The following CELSR3 variants were observed in gnomAD, a reference collection of about 807,000 sequenced individuals.
CELSR3 encodes cadherin EGF LAG seven-pass G-type receptor 3.
CELSR3 carries 73 observed loss-of-function variants against 270.0 expected under a neutral mutation model. The ratio of observed to expected loss-of-function variants is 0.27; its 90% CI spans 0.22 to 0.33. The LOEUF is 0.33. Among genes scored for constraint, CELSR3 ranks in the 10% least tolerant of loss-of-function variants. The pLI is 1.00. For synonymous variants in CELSR3, 1,780 were observed against 1,905.4 expected (o/e 0.93, Z 1.71); for missense variants, 3,614 against 4,533.8 (o/e 0.80, Z 5.83).
intron 17 of CELSR3, 59 bp downstream of exon 17, chr3:48,649,062 G>T: frequency 6.4e-7 from 1 of 1,550,490 alleles, no homozygotes. Flanking sequence ...GTGGTATCTG[G>T]GGCCCACCAC....
chr3:48,648,769 G>A lies in CELSR3; in HGVS notation c.6727C>T (p.His2243Tyr), dbSNP rs1199078549. 15 of 1,612,814 alleles carry A rather than the reference G, an allele frequency of 9.3e-6. No individual in the cohort carries two copies. The highest frequency in any genetic ancestry group is 1.2e-5 in the Non-Finnish European group (14 of 1,180,006). Residue 2243 changes from histidine to tyrosine, a missense_variant, in exon 18 of 35, where the codon CAT becomes TAT. This residue lies in a region of CELSR3 where 1,331 missense variants were observed against 1,933.7 expected (regional missense o/e 0.69). Coordinates refer to ENST00000164024, the MANE Select transcript of CELSR3 (RefSeq NM_001407.3). ...LLAHLLAFES[H>Y]QQGFGLTATQ... ...GCTGTCAGCCCGAAGCCCTGCTGAT[G>A]GCTCTCGAAGGCCAGCAGGTGGGCC...
chr3:48,640,760 C>T lies in CELSR3; in HGVS notation c.9026-201G>A. 5 of 481,654 alleles carry T rather than the reference C, an allele frequency of 1.0e-5. No individual in the cohort carries two copies. Among genetic ancestry groups the T allele is most frequent in the South Asian group, 6.0e-5 (2 of 33,322 alleles). 29.8% of individuals were successfully genotyped at this position (481,654 alleles called of 1,614,324 possible). A position where few individuals can be genotyped will look rare whatever the true frequency, so the allele number is the denominator to read the frequency against. On this transcript the variant is annotated intron_variant, in intron 33 of 34. Transcript: ENST00000164024. The surrounding 1 kb of genome is among the most constrained non-coding windows in gnomAD (Gnocchi z 7.5). ...GGGGTCAGAGTGGAAGGGCAGTCAT[C>T]TTCCAGTTGTGGTCCCGGGGCAGGG...
At chr3:48,643,372 G>T in intron 28 of CELSR3, 182 bp downstream of exon 28, 1 of 838,744 alleles carries the variant, frequency 1.2e-6, no homozygotes, top group Non-Finnish European at 1.8e-6. Flanking sequence ...GCCTAAGTTA[G>T]AGTCAGCTCC....
In CELSR3 at chr3:48,661,883, G is replaced by A; in HGVS notation, c.752C>T (p.Thr251Met). The change falls in exon 1 of 35, where the codon ACG (threonine) becomes ATG (methionine). Residue 251 changes from threonine to methionine, a missense_variant. Transcript: ENST00000164024. Reference protein sequence around the residue: ...SGPELDSAPRTARTAPASGSA... With the variant: ...SGPELDSAPRMARTAPASGSA... ...ACCTGATGCAGGAGCTGTCCTCGCC[G>A]TGCGTGGTGCTGAATCCAGCTCGGG... 1 of 1,611,418 alleles carries A rather than the reference G, an allele frequency of 6.2e-7. No homozygotes were observed. Among genetic ancestry groups the A allele is most frequent in the Non-Finnish European group, 8.5e-7 (1 of 1,179,664 alleles).
chr3:48,641,948 T>C lies in CELSR3; in HGVS notation c.8727A>G (p.Pro2909=). ...GGCCATTGTCCTCGCTTTCTGAAGA[T>C]GGAATGGAGAGACTCCTCTCCTCCT... ...SLEEERSLSI[P]SSESEDNGRT... The change falls in exon 32 of 35, where the codon CCA becomes CCG. Residue 2909 remains proline, a synonymous_variant. Transcript: ENST00000164024. The surrounding 1 kb of genome is among the most constrained non-coding windows in gnomAD (Gnocchi z 4.8). The C allele has an allele frequency of 1.2e-6, 2 of 1,600,628 alleles. No individual in the cohort carries two copies. The highest frequency in any genetic ancestry group is 1.3e-5 in the African/African-American group (1 of 74,352).
In CELSR3 at chr3:48,660,550, A is replaced by G; in HGVS notation, c.2085T>C (p.Pro695=). The G allele has an allele frequency of 6.2e-7, 1 of 1,614,206 alleles. No individual in the cohort carries two copies. The highest frequency in any genetic ancestry group is 8.5e-7 in the Non-Finnish European group (1 of 1,180,038). The change falls in exon 1 of 35, where the codon CCT becomes CCC. Residue 695 remains proline (P), a synonymous_variant. Transcript: ENST00000164024. This position sits in a 1 kb window ranked among gnomAD's most constrained non-coding sequence, Gnocchi z 5.5. The part of the protein sequence containing the change: ...RLEYSLTGVA[P]DTPFVINSAT... Reference sequence around the variant, plus strand: ...CGCTGTTTATCACAAAAGGAGTATCAGGTGCCACACCAGTTAGGGAGTACT... The same window carrying G: ...CGCTGTTTATCACAAAAGGAGTATCGGGTGCCACACCAGTTAGGGAGTACT...
rs1290968968 is a variant in CELSR3 at position 48,651,312 on chromosome 3, G to A, written c.6186+47C>T. On this transcript the variant is annotated intron_variant, in intron 14 of 34. Coordinates refer to ENST00000164024, the MANE Select transcript of CELSR3 (RefSeq NM_001407.3). This position sits in a 1 kb window ranked among gnomAD's most constrained non-coding sequence, Gnocchi z 7.4. ...GAGGTCAGCAAGCTGGACAGGAATT[G>A]CAGATTGCGTCCAAGGAAGGGTTAA... 1 of 1,608,276 alleles carries A rather than the reference G, an allele frequency of 6.2e-7. No homozygotes were observed. Among genetic ancestry groups the A allele is most frequent in the Non-Finnish European group, 8.5e-7 (1 of 1,175,700 alleles).
At position 48,652,981 on chromosome 3, in the gene CELSR3, C is replaced by T; in HGVS notation, c.5634+21G>A. ...TGGTTGGAAGGCTGAGAACAGACTA[C>T]CCCGGGGTCAGAGGCCAGACCTGGA... On this transcript the variant is annotated intron_variant, in intron 10 of 34. Coordinates refer to ENST00000164024, the MANE Select transcript of CELSR3 (RefSeq NM_001407.3). The surrounding 1 kb of genome is among the most constrained non-coding windows in gnomAD (Gnocchi z 4.3). The T allele has an allele frequency of 3.1e-6, 5 of 1,608,398 alleles. No individual in the cohort carries two copies. Among genetic ancestry groups the T allele is most frequent in the Non-Finnish European group, 4.2e-6 (5 of 1,176,606 alleles).
rs772570939 is a variant in CELSR3, at chr3:48,650,029, G to A, written c.6472+451C>T. Among the ~76,000 whole-genome samples, 1 of 151,384 alleles carries A rather than the reference G, an allele frequency of 6.6e-6. No individual in the cohort carries two copies. Among genetic ancestry groups the A allele is most frequent in the Non-Finnish European group, 1.5e-5 (1 of 67,896 alleles). On this transcript the variant is annotated intron_variant, in intron 16 of 34. Transcript: ENST00000164024. This position sits in a 1 kb window ranked among gnomAD's most constrained non-coding sequence, Gnocchi z 5.1. Reference sequence around the variant, plus strand: ...GATCTTTCGTGACCTCAGGCAGTGGGGAAAGTTCTATGGGGACCCCAGGAA... The same window carrying A: ...GATCTTTCGTGACCTCAGGCAGTGGAGAAAGTTCTATGGGGACCCCAGGAA...
chr3:48,656,152 G>A lies in CELSR3; in HGVS notation c.4613C>T (p.Thr1538Met), dbSNP rs867782628. 3.3e-6 allele frequency: 5 copies of A among 1,536,384 alleles called. No homozygotes were observed. Among genetic ancestry groups the A allele is most frequent in the Non-Finnish European group, 4.4e-6 (5 of 1,147,280 alleles). The change falls in exon 3 of 35, where the codon ACG (threonine) becomes ATG (methionine). Residue 1538 changes from threonine (T) to methionine (M), a missense_variant. By Grantham distance (81) the Thr-to-Met change is moderately conservative. This residue lies in a region of CELSR3 where 1,331 missense variants were observed against 1,933.7 expected (regional missense o/e 0.69). Transcript: ENST00000164024. ...GGCGGGCACCTACGAGAGGGACAGC[G>A]TAAGGTGGAATCGCTGCCGCAGGCC... is the stretch of plus-strand genomic sequence containing the variant. ...FRGLRQRFHL[T>M]LSLSFATVQQ...
Position 48,655,978 on chromosome 3 carries a change from AC to A in CELSR3, c.4626-128del, listed in dbSNP as rs1316158834. The stretch of plus-strand genomic sequence containing the variant: ...GAAGCGACGAGGGACGGCGGGACCG[AC>A]CGGGGGGACGCGGGTGCAGCGAGGT... On this transcript the variant is annotated intron_variant, in intron 3 of 34. Coordinates refer to ENST00000164024, the MANE Select transcript of CELSR3 (RefSeq NM_001407.3). This position sits in a 1 kb window ranked among gnomAD's most constrained non-coding sequence, Gnocchi z 5.8. 7.2e-6 allele frequency: 8 copies of A among 1,116,862 alleles called. No homozygotes were observed. Among genetic ancestry groups the A allele is most frequent in the Non-Finnish European group, 1.0e-5 (8 of 770,590 alleles). 69.2% of individuals were successfully genotyped at this position (1,116,862 alleles called of 1,614,324 possible).
In CELSR3 at chr3:48,658,006, TAGC is replaced by T. The variant is rs1196539138; in HGVS notation, c.3749-661_3749-659del. Reference sequence around the variant, plus strand: ...CACACACACACCAGCATTCTTGAGTTAGCAGCCTGCTCGCCACTCCAGACCTGG... The same window carrying T: ...CACACACACACCAGCATTCTTGAGTTAGCCTGCTCGCCACTCCAGACCTGG... On this transcript the variant is annotated intron_variant, in intron 1 of 34. Coordinates refer to ENST00000164024, the MANE Select transcript of CELSR3 (RefSeq NM_001407.3). This position sits in a 1 kb window ranked among gnomAD's most constrained non-coding sequence, Gnocchi z 4.7. Among the ~76,000 whole-genome samples the T allele has an allele frequency of 6.6e-6, 1 of 152,106 alleles. No homozygotes were observed. Among genetic ancestry groups the T allele is most frequent in the African/African-American group, 2.4e-5 (1 of 41,400 alleles).
At position 48,656,714 on chromosome 3, in the gene CELSR3, G is replaced by A. The variant is rs2286651; in HGVS notation, c.4383C>T (p.Cys1461=). ...ARREGGYTCV[C]RPRFTGEDCE... ...CCTGCTCACCGGTGAAGCGCGGGCG[G>A]CAGACGCACGTGTAGCCTCCCTCGC... Residue 1461 remains cysteine, a synonymous_variant, in exon 2 of 35, where the codon TGC becomes TGT. Transcript: ENST00000164024. 0.11 allele frequency: 162,491 copies of A among 1,494,702 alleles called. 8,985 individuals are homozygous for A. The highest frequency in any genetic ancestry group is 0.13 in the African/African-American group (9,532 of 72,206). 92.6% of individuals were successfully genotyped at this position (1,494,702 alleles called of 1,614,324 possible). A position where few individuals can be genotyped will look rare whatever the true frequency, so the allele number is the denominator to read the frequency against.
In CELSR3 at chr3:48,656,927, G is replaced by A. The variant is rs1001158005; in HGVS notation, c.4170C>T (p.Cys1390=). Residue 1390 remains cysteine, a synonymous_variant, in exon 2 of 35, where the codon TGC becomes TGT. Transcript: ENST00000164024. ...ACGAGTCAAAGCGGAGCACGGACAC[G>A]CATTTCATGTAGTTCTCACAGGGCT... ...LREPCENYMK[C]VSVLRFDSSA... 6.2e-7 allele frequency: 1 copy of A among 1,611,652 alleles called. No homozygotes were observed. The highest frequency in any genetic ancestry group is 8.5e-7 in the Non-Finnish European group (1 of 1,178,876).
At chr3:48,638,429 C>T (rs2046992665) in intron 34 of CELSR3, among the ~76,000 whole-genome samples, 197 bp from the exon 35 acceptor site, 1 of 152,148 alleles carries the variant, frequency 6.6e-6, no homozygotes, top group Non-Finnish European at 1.5e-5. Context: ...CAGCCAGGCT[C>T]CTTGGCTGCC....
Position 48,653,214 on chromosome 3 carries a change from G to A in CELSR3, c.5449-27C>T. The A allele has an allele frequency of 6.2e-7, 1 of 1,604,800 alleles. No individual in the cohort carries two copies. The highest frequency in any genetic ancestry group is 8.5e-7 in the Non-Finnish European group (1 of 1,174,008). ...TGTGGGCAGAGATGCATAGCCCTGG[G>A]GTTAGAGCCCCATGTGGGCTGGGAC... On this transcript the variant is annotated intron_variant, in intron 9 of 34. Transcript: ENST00000164024. This position sits in a 1 kb window ranked among gnomAD's most constrained non-coding sequence, Gnocchi z 6.5.
In CELSR3 at chr3:48,655,121, C is replaced by T. The variant is rs372958176; in HGVS notation, c.4911G>A (p.Val1637=). 1.4e-5 allele frequency: 22 copies of T among 1,613,840 alleles called. No individual in the cohort carries two copies. The highest frequency in any genetic ancestry group is 6.7e-5 in the African/African-American group (5 of 74,840). The change falls in exon 6 of 35, where the codon GTG becomes GTA. Residue 1637 remains valine, a synonymous_variant. Coordinates refer to ENST00000164024, the MANE Select transcript of CELSR3 (RefSeq NM_001407.3). This position sits in a 1 kb window ranked among gnomAD's most constrained non-coding sequence, Gnocchi z 5.8. ...CAGCACCAAACTGCAGAGCCACGGC[C>T]ACATCACAATCATCCACGCTTAGCA... The part of the protein sequence containing the change: ...VAVLSVDDCD[V]AVALQFGAEI...
In CELSR3 at chr3:48,653,942, C is replaced by T. The variant is rs148952825; in HGVS notation, c.5214G>A (p.Ser1738=). Residue 1738 remains serine (S), a synonymous_variant, in exon 8 of 35, where the codon TCG becomes TCA. Coordinates refer to ENST00000164024, the MANE Select transcript of CELSR3 (RefSeq NM_001407.3). This position sits in a 1 kb window ranked among gnomAD's most constrained non-coding sequence, Gnocchi z 6.5. ...SGPCKNSGFC[S]ERWGSFSCDC... is the part of the protein sequence containing the mutation. ...CGCAGCTGAAGCTGCCCCAGCGCTCCGAGCAGAAGCCACTGTTCTTGCAGG... is the reference window on the plus strand; with the variant it reads ...CGCAGCTGAAGCTGCCCCAGCGCTCTGAGCAGAAGCCACTGTTCTTGCAGG... 7.4e-5 allele frequency: 120 copies of T among 1,613,406 alleles called. No individual in the cohort carries two copies. Among genetic ancestry groups the T allele is most frequent in the East Asian group, 3.6e-4 (16 of 44,882 alleles).
chr3:48,647,788 T>C (rs2047099829), intron 20 of CELSR3, 53 bp downstream of exon 20: 2 of 1,571,024 alleles, frequency 1.3e-6, no homozygotes, highest in South Asian at 1.1e-5. Flanking sequence ...TAGTATCTGG[T>C]TGGGGGGACA....
Sources: allele counts gnomAD v4.1 joint callset (sites outside exome capture counted in the v4.1 genomes callset), GRCh38; gene constraint gnomAD v4.1.1; regional missense constraint gnomAD v4.1.1; non-coding constraint Gnocchi (gnomAD v3.1); transcripts MANE v1.5; gene names NCBI Gene and HGNC (gene_info 2026-07-23, HGNC 2026-07-21).